Variants in TRPC4 observed in about 807,000 individuals in gnomAD.
TRPC4 encodes the protein short transient receptor potential channel 4.
A neutral mutation model predicts 99.4 loss-of-function variants in TRPC4; 49 were observed. The ratio of observed to expected loss-of-function variants is 0.49; its 90% CI spans 0.39 to 0.63. TRPC4 has a LOEUF of 0.63. TRPC4 is among the 20% of genes least tolerant of loss of function. TRPC4 has a pLI of 0.00. For synonymous variants in TRPC4, 454 were observed against 425.9 expected (o/e 1.07, Z -0.81); for missense variants, 898 against 1,152.9 (o/e 0.78, Z 3.20).
chr13:37,726,931 GA>G (rs1348371057), intron 3 of TRPC4, among the ~76,000 whole-genome samples: 1 of 152,056 alleles, frequency 6.6e-6, no homozygotes, highest in Non-Finnish European at 1.5e-5. Flanking sequence ...GATAGTTCAT[GA>G]AAATATATCA....
At chr13:37,771,558 AGTGTGTGT>A (rs34539317) in intron 2 of TRPC4, among the ~76,000 whole-genome samples, 5,193 of 147,482 alleles carry the variant, frequency 0.035, 275 homozygotes, top group African/African-American at 0.12. Flanking sequence ...AGTGTGCATG[AGTGTGTGT>A]GTGTGTGTGT....
chr13:37,859,393 G>T (rs1227147128), intron 1 of TRPC4, among the ~76,000 whole-genome samples: 2 of 151,236 alleles, frequency 1.3e-5, no homozygotes, highest in Non-Finnish European at 3.0e-5. Context: ...CTTTGAAAAT[G>T]GTCCAAATGT....
chr13:37,658,807 G>A (rs1014091042), intron 6 of TRPC4, among the ~76,000 whole-genome samples: 1 of 152,156 alleles, frequency 6.6e-6, no homozygotes, highest in Non-Finnish European at 1.5e-5. Context: ...GCAGGAGGAA[G>A]TATGTATTCA....
intron 3 of TRPC4, among the ~76,000 whole-genome samples, chr13:37,698,378 G>A (rs1283305762): frequency 2.0e-5 from 3 of 151,082 alleles, no homozygotes; most frequent in Non-Finnish European, 4.4e-5. Flanking sequence ...AGCCAGGATG[G>A]TCTCGATCTC....
At chr13:37,724,743 A>G (rs1382761374) in intron 3 of TRPC4, among the ~76,000 whole-genome samples, 8 of 152,192 alleles carry the variant, frequency 5.3e-5, no homozygotes, top group African/African-American at 1.4e-4. Context: ...GCAAGGCCCA[A>G]GATTCCAACT....
At chr13:37,756,858 G>C (rs1956110994) in intron 2 of TRPC4, among the ~76,000 whole-genome samples, 1 of 151,768 alleles carries the variant, frequency 6.6e-6, no homozygotes, top group African/African-American at 2.4e-5. Context: ...AGTTTGATTT[G>C]ATGTCTGATG....
At chr13:37,749,520 G>A (rs1328488123) in intron 2 of TRPC4, among the ~76,000 whole-genome samples, 1 of 152,074 alleles carries the variant, frequency 6.6e-6, no homozygotes, top group African/African-American at 2.4e-5. Context: ...CAAAATATTA[G>A]TGTTTATCTA....
rs138763558 is a variant in TRPC4 at position 37,657,347 on chromosome 13, T to C, written c.1689-2064A>G. 3.2e-3 allele frequency among the ~76,000 whole-genome samples: 484 copies of C among 152,324 alleles called. 4 individuals are homozygous for C. Among genetic ancestry groups the C allele is most frequent in the African/African-American group, 0.011 (473 of 41,582 alleles). ...AATAGAGAGAATTCAATCTGACTCA[T>C]TGGCCCTAGACAAAGGCCACTAAAG... On this transcript the variant is annotated intron_variant, in intron 6 of 10. Coordinates refer to ENST00000379705, the MANE Select transcript of TRPC4 (RefSeq NM_016179.4).
intron 8 of TRPC4, among the ~76,000 whole-genome samples, chr13:37,641,952 C>A (rs1369067013): frequency 6.6e-6 from 1 of 152,122 alleles, no homozygotes; most frequent in African/African-American, 2.4e-5. Flanking sequence ...ATCTGATTCT[C>A]AAAGCTTGTG....
At chr13:37,761,979 A>C (rs931395636) in intron 2 of TRPC4, among the ~76,000 whole-genome samples, 2 of 151,876 alleles carry the variant, frequency 1.3e-5, no homozygotes, top group African/African-American at 4.8e-5. Context: ...CAGGAATAAC[A>C]ATTAAATATT....
rs1182944370 is a variant in TRPC4, at chr13:37,692,281, A to T, written c.952T>A (p.Phe318Ile). The change falls in exon 4 of 11, where the codon TTT (phenylalanine) becomes ATT (isoleucine). Residue 318 changes from phenylalanine to isoleucine, a missense_variant. Coordinates refer to ENST00000379705, the MANE Select transcript of TRPC4 (RefSeq NM_016179.4). The stretch of plus-strand genomic sequence containing the variant: ...CAGTGTCTTCTCCTCCAGCCTGGAA[A>T]CTCATCGTACCAGCGAGATGCCAGC... The part of the protein sequence containing the change: ...QLLASRWYDE[F>I]PGWRRRHWAV... The T allele has an allele frequency of 6.2e-7, 1 of 1,614,146 alleles. No homozygotes were observed. The highest frequency in any genetic ancestry group is 1.1e-5 in the South Asian group (1 of 91,076).
At chr13:37,781,310 CT>C (rs1431370491) in intron 2 of TRPC4, among the ~76,000 whole-genome samples, 2 of 152,204 alleles carry the variant, frequency 1.3e-5, no homozygotes, top group African/African-American at 4.8e-5. Context: ...GCCAAAACAT[CT>C]GTCTTATGGT....
chr13:37,775,555 G>A (rs1359222089), intron 2 of TRPC4, among the ~76,000 whole-genome samples: 5 of 150,622 alleles, frequency 3.3e-5, no homozygotes, highest in Non-Finnish European at 4.4e-5. Flanking sequence ...AAGGCTCAAA[G>A]GACTAAATAA....
At chr13:37,810,582 C>T (rs1039916205) in intron 1 of TRPC4, among the ~76,000 whole-genome samples, 11 of 152,020 alleles carry the variant, frequency 7.2e-5, no homozygotes, top group African/African-American at 2.2e-4. Flanking sequence ...ATATATGTTG[C>T]TCCATAAGAC....
At chr13:37,686,383 T>A (rs1953480666) in intron 4 of TRPC4, among the ~76,000 whole-genome samples, 1 of 152,210 alleles carries the variant, frequency 6.6e-6, no homozygotes, top group South Asian at 2.1e-4. Flanking sequence ...TAACTGATTA[T>A]ACATATATGT....
At chr13:37,683,730 C>T (rs1399618742) in intron 4 of TRPC4, among the ~76,000 whole-genome samples, 1 of 152,084 alleles carries the variant, frequency 6.6e-6, no homozygotes, top group Non-Finnish European at 1.5e-5. Context: ...CCTAAAGCAA[C>T]AGGAGTGAGG....
chr13:37,847,774 T>C (rs1300326346), intron 1 of TRPC4, among the ~76,000 whole-genome samples: 1 of 152,094 alleles, frequency 6.6e-6, no homozygotes, highest in Non-Finnish European at 1.5e-5. Flanking sequence ...ATCTCATTTA[T>C]AGATGGATAA....
intron 2 of TRPC4, among the ~76,000 whole-genome samples, chr13:37,762,895 A>T (rs1361302047): frequency 6.6e-6 from 1 of 151,510 alleles, no homozygotes. Flanking sequence ...AAAAAAAGAC[A>T]CTAATCTGCC....
At chr13:37,752,075 C>CTATATATATGTGTATATATATATATA (rs1555266914) in intron 2 of TRPC4, among the ~76,000 whole-genome samples, 2 of 73,954 alleles carry the variant, frequency 2.7e-5, no homozygotes, top group Non-Finnish European at 2.7e-5. Context: ...AAGCAGAAAA[C>CTATATATATGTGTATATATATATATA]TATATATATA....
Sources: allele counts gnomAD v4.1 joint callset (sites outside exome capture counted in the v4.1 genomes callset), GRCh38; gene constraint gnomAD v4.1.1; transcripts MANE v1.5; gene names NCBI Gene and HGNC (gene_info 2026-07-23, HGNC 2026-07-21).